Variants in FBRSL1 observed in about 807,000 individuals in gnomAD.
FBRSL1 encodes fibrosin-1-like protein.
In FBRSL1, 51 loss-of-function variants were observed where a neutral mutation model predicts 89.6. The observed-to-expected ratio is 0.57, with a 90% CI of 0.45 to 0.72. The LOEUF is 0.72. FBRSL1 is among the 30% of genes least tolerant of loss of function. FBRSL1 has a pLI of 0.00. For synonymous variants in FBRSL1, 779 were observed against 681.1 expected (o/e 1.14, Z -2.24); for missense variants, 1,618 against 1,451.8 (o/e 1.11, Z -1.86).
chr12:132,556,314 A>G (rs1370609580), intron 5 of FBRSL1, among the ~76,000 whole-genome samples: 1 of 152,108 alleles, frequency 6.6e-6, no homozygotes, highest in African/African-American at 2.4e-5. Flanking sequence ...CACCTCTGCG[A>G]CAGACAGAAC....
At chr12:132,570,648 C>A in intron 8 of FBRSL1, 108 bp downstream of exon 8, 3 of 1,010,762 alleles carry the variant, frequency 3.0e-6, no homozygotes, top group Non-Finnish European at 4.1e-6. Context: ...GTGGTCTCTG[C>A]GGACCCTGCG....
intron 4 of FBRSL1, 107 bp downstream of exon 4, chr12:132,528,095 T>A: frequency 2.0e-6 from 2 of 1,006,528 alleles, no homozygotes; most frequent in South Asian, 2.8e-5. Flanking sequence ...CCCAGTCCCG[T>A]GCCCGCTTTC....
chr12:132,522,950 G>A (rs933768925), intron 2 of FBRSL1, among the ~76,000 whole-genome samples: 4 of 152,222 alleles, frequency 2.6e-5, no homozygotes, highest in South Asian at 2.1e-4. Flanking sequence ...GGCTTGGGTC[G>A]GCTCTGCTCA....
At chr12:132,520,904 CA>C in intron 2 of FBRSL1, among the ~76,000 whole-genome samples, 1 of 152,298 alleles carries the variant, frequency 6.6e-6, no homozygotes, top group East Asian at 1.9e-4. Flanking sequence ...TGTGGGCTCC[CA>C]AAACAGGCAG....
intron 18 of FBRSL1, 98 bp downstream of exon 18, chr12:132,582,364 C>A (rs2040824610): frequency 1.0e-6 from 1 of 997,516 alleles, no homozygotes; most frequent in Non-Finnish European, 1.5e-6. Flanking sequence ...GTTCCCTCTT[C>A]TCCCCGTTTC....
intron 2 of FBRSL1, chr12:132,509,121 C>T (rs973679570): frequency 1.8e-5 from 21 of 1,184,836 alleles, no homozygotes; most frequent in African/African-American, 4.8e-5. Context: ...GTTCCGCGGG[C>T]GGTGACACCT....
At chr12:132,515,130 C>G (rs979746011) in intron 2 of FBRSL1, among the ~76,000 whole-genome samples, 4 of 152,182 alleles carry the variant, frequency 2.6e-5, no homozygotes, top group African/African-American at 7.2e-5. Context: ...CATCCTCTAC[C>G]TCATCGGCTC....
chr12:132,583,839 C>A lies in FBRSL1; in HGVS notation c.*61C>A, dbSNP rs924844594. 3.2e-5 allele frequency: 33 copies of A among 1,016,998 alleles called. No individual in the cohort carries two copies. In the African/African-American group the frequency reaches 4.1e-4, roughly 13 times the overall value. 63.0% of individuals were successfully genotyped at this position (1,016,998 alleles called of 1,614,324 possible). Reference sequence around the variant, plus strand: ...ACCGCTGTCCGTCTCTCCATCAGTTCCTAGAACTCAAGCACAGCTCCCGCC... The same window carrying A: ...ACCGCTGTCCGTCTCTCCATCAGTTACTAGAACTCAAGCACAGCTCCCGCC... On this transcript the variant is annotated 3_prime_UTR_variant, in exon 19 of 19. Transcript: ENST00000680143.
chr12:132,495,477 G>T (rs959270679), intron 1 of FBRSL1, among the ~76,000 whole-genome samples: 1 of 152,238 alleles, frequency 6.6e-6, no homozygotes, highest in Non-Finnish European at 1.5e-5. Flanking sequence ...GGCTGAGACC[G>T]CAGACATTTG....
rs1480411952 is a variant in FBRSL1 at position 132,569,955 on chromosome 12, G to C, written c.721G>C (p.Ala241Pro). ...GPALEKSEAK[A>P]GPVPKVSGLE... ...AGCGCTTGAGAAGTCGGAGGCCAAG[G>C]CCGGGCCGGTGCCCAAGGTGTCAGG... is the stretch of plus-strand genomic sequence containing the variant. Residue 241 changes from alanine (A) to proline (P), a missense_variant, in exon 7 of 19, where the codon GCC (alanine) becomes CCC (proline). Coordinates refer to ENST00000680143, the MANE Select transcript of FBRSL1 (RefSeq NM_001367871.1). 4 of 1,431,998 alleles carry C rather than the reference G, an allele frequency of 2.8e-6. No individual in the cohort carries two copies. Among genetic ancestry groups the C allele is most frequent in the Non-Finnish European group, 3.6e-6 (4 of 1,101,726 alleles). 88.7% of individuals were successfully genotyped at this position (1,431,998 alleles called of 1,614,324 possible).
intron 5 of FBRSL1, 97 bp from the exon 6 acceptor site, chr12:132,567,384 T>G: frequency 3.1e-6 from 4 of 1,302,778 alleles, no homozygotes; most frequent in Non-Finnish European, 4.3e-6. Flanking sequence ...CTGGCCCTGC[T>G]GGAAAACCAC....
Position 132,499,977 on chromosome 12 carries a change from A to C in FBRSL1, c.292-8176A>C, listed in dbSNP as rs112002906. On this transcript the variant is annotated intron_variant, in intron 1 of 18. Coordinates refer to ENST00000680143, the MANE Select transcript of FBRSL1 (RefSeq NM_001367871.1). This position sits in a 1 kb window ranked among gnomAD's most constrained non-coding sequence, Gnocchi z 4.3. ...CGTCAGGGAGGAGGCTGGGTGGGCT[A>C]CTGGGCTCTCCGCAGCCCAGACAGG... Among the ~76,000 whole-genome samples, 2,305 of 152,158 alleles carry C rather than the reference A, an allele frequency of 0.015. 71 individuals carry two copies. The highest frequency in any genetic ancestry group is 0.051 in the African/African-American group (2,134 of 41,494).
At position 132,572,345 on chromosome 12, in the gene FBRSL1, G is replaced by A; in HGVS notation, c.1434+1G>A. 2 of 1,551,108 alleles carry A rather than the reference G, an allele frequency of 1.3e-6. No individual in the cohort carries two copies. Among genetic ancestry groups the A allele is most frequent in the Non-Finnish European group, 1.7e-6 (2 of 1,146,726 alleles). On this transcript the variant is annotated splice_donor_variant, in intron 10 of 18. Coordinates refer to ENST00000680143, the MANE Select transcript of FBRSL1 (RefSeq NM_001367871.1). LOFTEE classifies it high-confidence loss of function. ...CTACTTCCGACATTCCAGCGTGAGT[G>A]TGAGTGTCCCCGAGGGGCCCGGCGC...
At chr12:132,509,369 A>T in intron 2 of FBRSL1, 1 of 1,243,184 alleles carries the variant, frequency 8.0e-7, no homozygotes, top group Non-Finnish European at 1.0e-6. Flanking sequence ...CCCAGCGGTC[A>T]CTTCTGGGCC....
intron 4 of FBRSL1, among the ~76,000 whole-genome samples, chr12:132,537,178 G>A (rs1310198538): frequency 2.0e-5 from 3 of 152,220 alleles, no homozygotes; most frequent in Admixed American, 6.5e-5. Context: ...CGTGTGGTGG[G>A]TGCCCTCTGC....
chr12:132,511,289 C>T lies in FBRSL1; in HGVS notation c.489+2939C>T, dbSNP rs1426036191. On this transcript the variant is annotated intron_variant, in intron 2 of 18. Transcript: ENST00000680143. ...GAGGGGGACCCCACAGGGTGGGCAG[C>T]GCCTTCTCCCGGCTTCCCCACAGTC... The T allele has an allele frequency of 2.3e-5, 23 of 985,584 alleles. No individual in the cohort carries two copies. The African/African-American group carries it at 2.4e-4, about 10-fold the overall frequency. 61.1% of individuals were successfully genotyped at this position (985,584 alleles called of 1,614,324 possible). A position where few individuals can be genotyped will look rare whatever the true frequency, so the allele number is the denominator to read the frequency against.
intron 15 of FBRSL1, chr12:132,580,967 G>A: frequency 1.0e-6 from 1 of 985,470 alleles, no homozygotes; most frequent in Non-Finnish European, 1.2e-6. Context: ...CTGTGCCCAG[G>A]AATGCCACAA....
intron 1 of FBRSL1, among the ~76,000 whole-genome samples, chr12:132,500,423 G>A (rs947752223): frequency 2.0e-5 from 3 of 152,160 alleles, no homozygotes; most frequent in African/African-American, 7.2e-5. Context: ...GGCAAGGGCT[G>A]GAGGCTGGGG....
intron 5 of FBRSL1, among the ~76,000 whole-genome samples, chr12:132,564,574 C>T (rs2039432744): frequency 8.3e-6 from 1 of 121,162 alleles, no homozygotes; most frequent in South Asian, 2.7e-4. Context: ...CAGCTCACTG[C>T]AAGCTCCGCC....
Sources: gnomAD v4.1 joint callset for allele counts (sites outside exome capture counted in the v4.1 genomes callset) on GRCh38, gnomAD v4.1.1 for gene constraint, Gnocchi (gnomAD v3.1) non-coding constraint, MANE v1.5 for transcripts, NCBI Gene and HGNC (gene_info 2026-07-23, HGNC 2026-07-21) for gene names.